Variants in BACE1 observed in about 807,000 individuals in gnomAD.
BACE1 encodes the protein beta-secretase 1, also known as APP beta-secretase.
A neutral mutation model predicts 54.0 loss-of-function variants in BACE1; 21 were observed. That is an observed-to-expected ratio of 0.39 (90% CI 0.28 to 0.56). The LOEUF (loss-of-function observed/expected upper bound fraction) is 0.56. BACE1 is among the 20% of genes least tolerant of loss of function. The pLI is 0.63. For missense variants in BACE1, 511 were observed against 661.2 expected (o/e 0.77, Z 2.49); for synonymous variants, 232 against 260.9 (o/e 0.89, Z 1.07).
chr11:117,291,707 C>T lies in BACE1; in HGVS notation c.942+5G>A, dbSNP rs747913030. The T allele has an allele frequency of 1.9e-6, 3 of 1,607,316 alleles. No individual in the cohort carries two copies. The highest frequency in any genetic ancestry group is 1.7e-6 in the Non-Finnish European group (2 of 1,173,954). On this transcript the variant is annotated splice_donor_5th_base_variant and intron_variant, in intron 6 of 8. Coordinates refer to ENST00000313005, the MANE Select transcript of BACE1 (RefSeq NM_012104.6). ...CTCTTTTACCCCCATCCTTAGTCCACTCACGGAGGAGGCTGCCTTGATGGA... is the reference window on the plus strand; with the variant it reads ...CTCTTTTACCCCCATCCTTAGTCCATTCACGGAGGAGGCTGCCTTGATGGA...
chr11:117,305,465 C>T (rs1440095477), intron 1 of BACE1, among the ~76,000 whole-genome samples: 2 of 152,120 alleles, frequency 1.3e-5, no homozygotes, highest in Non-Finnish European at 2.9e-5. Flanking sequence ...CCACTTGCCT[C>T]TCCTGGCTGT....
chr11:117,307,881 T>G (rs1000073886), intron 1 of BACE1, among the ~76,000 whole-genome samples: 3 of 152,194 alleles, frequency 2.0e-5, no homozygotes, highest in African/African-American at 7.2e-5. Flanking sequence ...AGGCAACTTA[T>G]GGAGCCGGGG....
intron 1 of BACE1, among the ~76,000 whole-genome samples, chr11:117,312,278 C>T (rs1315803658): frequency 2.0e-5 from 3 of 152,148 alleles, no homozygotes; most frequent in Non-Finnish European, 2.9e-5. Flanking sequence ...ATACGTGTAA[C>T]GTGCAATTAC....
At chr11:117,307,727 C>A (rs927435594) in intron 1 of BACE1, among the ~76,000 whole-genome samples, 6 of 152,102 alleles carry the variant, frequency 3.9e-5, no homozygotes, top group Admixed American at 2.6e-4. Flanking sequence ...TTCTCAATGC[C>A]CCCTCACTCC....
chr11:117,315,901 C>T lies in BACE1; in HGVS notation c.-106G>A. The T allele has an allele frequency of 1.6e-6, 2 of 1,288,842 alleles. No homozygotes were observed. Among genetic ancestry groups the T allele is most frequent in the Non-Finnish European group, 2.0e-6 (2 of 1,001,142 alleles). The allele number at this position is 1,288,842 out of a possible 1,614,324, so 79.8% of individuals were successfully genotyped here. A position where few individuals can be genotyped will look rare whatever the true frequency, so the allele number is the denominator to read the frequency against. ...GCTGGTGGCTTCTCAGGAGAGGGAG[C>T]TTGGGGGCATCAGGACGCCAGGGCC... On this transcript the variant is annotated 5_prime_UTR_variant, in exon 1 of 9. Transcript: ENST00000313005. The surrounding 1 kb of genome is among the most constrained non-coding windows in gnomAD (Gnocchi z 5.5).
chr11:117,306,129 A>G (rs1409956500), intron 1 of BACE1, among the ~76,000 whole-genome samples: 3 of 152,314 alleles, frequency 2.0e-5, no homozygotes, highest in Admixed American at 6.5e-5. Context: ...ACAAGAGAGA[A>G]AAAGACAGAG....
intron 1 of BACE1, among the ~76,000 whole-genome samples, chr11:117,300,009 C>A (rs1024808632): frequency 3.9e-5 from 6 of 151,924 alleles, no homozygotes; most frequent in African/African-American, 1.5e-4. Flanking sequence ...GACCTGGGGG[C>A]TCCTGCTGTC....
chr11:117,293,678 G>A lies in BACE1; in HGVS notation c.705+193C>T. ...CTTCCTTTCCAAGTTTACCATAGGT[G>A]CCTTGATTCCTTTCTGGAATAACGC... On this transcript the variant is annotated intron_variant, in intron 4 of 8. Transcript: ENST00000313005. The surrounding 1 kb of genome is among the most constrained non-coding windows in gnomAD (Gnocchi z 4.1). The A allele has an allele frequency of 2.0e-6, 1 of 500,474 alleles. No homozygotes were observed. The highest frequency in any genetic ancestry group is 3.1e-6 in the Non-Finnish European group (1 of 319,040). The allele number at this position is 500,474 out of a possible 1,614,324, so 31.0% of individuals were successfully genotyped here.
Position 117,316,174 on chromosome 11 carries a change from C to A in BACE1, c.-379G>T, listed in dbSNP as rs1002784259. On this transcript the variant is annotated 5_prime_UTR_variant, in exon 1 of 9. Transcript: ENST00000313005. ...CAGGGGCAAGGGCTCCGGGCTCCTG[C>A]GGCTGCGTTGGCTGCTCAGGCCACC... 3 of 400,172 alleles carry A rather than the reference C, an allele frequency of 7.5e-6. No homozygotes were observed. The highest frequency in any genetic ancestry group is 1.3e-5 in the Non-Finnish European group (3 of 227,070). The allele number at this position is 400,172 out of a possible 1,614,324, so 24.8% of individuals were successfully genotyped here.
intron 1 of BACE1, among the ~76,000 whole-genome samples, chr11:117,300,527 CAG>C (rs1045663394): frequency 6.6e-5 from 10 of 152,180 alleles, no homozygotes; most frequent in African/African-American, 2.4e-4. Context: ...CATTATGAAA[CAG>C]GGCAGTTCAG....
chr11:117,289,714 G>A lies in BACE1; in HGVS notation c.1358C>T (p.Ser453Leu). ...GACATAGGCTATGGTCATGAGGGTT[G>A]ACTCATCTGTCTGTGGAATGTTGTA... ...CGYNIPQTDE[S>L]TLMTIAYVMA... Residue 453 changes from serine to leucine, a missense_variant, in exon 9 of 9, where the codon TCA (serine) becomes TTA (leucine). Ser to Leu is a moderately radical substitution (Grantham distance 145). This residue lies in a region of BACE1 where 407 missense variants were observed against 565.7 expected (regional missense o/e 0.72). Coordinates refer to ENST00000313005, the MANE Select transcript of BACE1 (RefSeq NM_012104.6). 2 of 1,614,224 alleles carry A rather than the reference G, an allele frequency of 1.2e-6. No homozygotes were observed. Among genetic ancestry groups the A allele is most frequent in the African/African-American group, 2.7e-5 (2 of 75,056 alleles).
chr11:117,298,182 A>G (rs1467554736), intron 1 of BACE1, among the ~76,000 whole-genome samples: 1 of 151,980 alleles, frequency 6.6e-6, no homozygotes, highest in Non-Finnish European at 1.5e-5. Flanking sequence ...CACGCCTATA[A>G]TCCCAGCTAC....
chr11:117,303,213 C>T (rs184568959), intron 1 of BACE1, among the ~76,000 whole-genome samples: 3 of 152,118 alleles, frequency 2.0e-5, no homozygotes, highest in Non-Finnish European at 4.4e-5. Context: ...CCTGTATTTA[C>T]GCAGCCTGTG....
intron 1 of BACE1, among the ~76,000 whole-genome samples, chr11:117,299,905 C>T (rs1319042001): frequency 6.6e-6 from 1 of 152,172 alleles, no homozygotes; most frequent in Non-Finnish European, 1.5e-5. Context: ...AGAGGATCTC[C>T]TCCACAACAA....
rs1440282293 is a variant in BACE1, at chr11:117,287,709, A to G, written c.*1857T>C. ...AGTAAGTTCCGAGCTAGAAGTGGAC[A>G]GTCTCCAGTCTTCCTGTCAGACTCT... is the stretch of plus-strand genomic sequence containing the variant. On this transcript the variant is annotated 3_prime_UTR_variant, in exon 9 of 9. Transcript: ENST00000313005. 6.6e-6 allele frequency: 1 copy of G among 152,656 alleles called. No individual in the cohort carries two copies. Among genetic ancestry groups the G allele is most frequent in the Non-Finnish European group, 1.5e-5 (1 of 68,024 alleles). The allele number at this position is 152,656 out of a possible 1,614,324, so 9.5% of individuals were successfully genotyped here. A position where few individuals can be genotyped will look rare whatever the true frequency, so the allele number is the denominator to read the frequency against.
chr11:117,296,085 C>G (rs1042375111), intron 2 of BACE1, among the ~76,000 whole-genome samples: 2 of 152,194 alleles, frequency 1.3e-5, no homozygotes, highest in Admixed American at 6.5e-5. Flanking sequence ...CAGCTGCCTA[C>G]AAGTCCAAGG....
intron 1 of BACE1, among the ~76,000 whole-genome samples, chr11:117,305,681 A>T (rs2034815847): frequency 2.0e-5 from 3 of 152,090 alleles, no homozygotes; most frequent in Non-Finnish European, 4.4e-5. Context: ...CTCCAATAGA[A>T]TGATGGATGT....
In BACE1 at chr11:117,290,479, C is replaced by G; in HGVS notation, c.1264+9G>C. 6.2e-7 allele frequency: 1 copy of G among 1,613,548 alleles called. No homozygotes were observed. Among genetic ancestry groups the G allele is most frequent in the Non-Finnish European group, 8.5e-7 (1 of 1,179,666 alleles). ...ACTGACCCCAAACCCTCAGCCCTGG[C>G]ACTCTCACCATGGCAAGCGCTGACA... On this transcript the variant is annotated intron_variant, in intron 8 of 8. Coordinates refer to ENST00000313005, the MANE Select transcript of BACE1 (RefSeq NM_012104.6).
intron 5 of BACE1, chr11:117,292,267 T>C (rs1281561186): frequency 7.2e-6 from 1 of 138,318 alleles, no homozygotes; most frequent in African/African-American, 2.7e-5. Flanking sequence ...CTCGGCTCAC[T>C]CTAACCTCTG....
Sources: allele counts gnomAD v4.1 joint callset (sites outside exome capture counted in the v4.1 genomes callset), GRCh38; gene constraint gnomAD v4.1.1; regional missense constraint gnomAD v4.1.1; non-coding constraint Gnocchi (gnomAD v3.1); transcripts MANE v1.5; gene names NCBI Gene and HGNC (gene_info 2026-07-23, HGNC 2026-07-21).